Variants in TLK1 observed in about 807,000 individuals in gnomAD.
The protein encoded by TLK1 is tousled like kinase 1, also known as serine/threonine-protein kinase tousled-like 1.
A neutral mutation model predicts 105.3 loss-of-function variants in TLK1; 24 were observed. That is an observed-to-expected ratio of 0.23 (90% confidence interval 0.17 to 0.32). The LOEUF (loss-of-function observed/expected upper bound fraction) is 0.32, where lower values mean the gene tolerates loss of function less well. Among genes scored for constraint, TLK1 ranks in the 10% least tolerant of loss-of-function variants. The pLI, the probability that TLK1 is intolerant of heterozygous loss-of-function variation, is 1.00. For missense variants in TLK1, 558 were observed against 910.5 expected (o/e 0.61, Z 4.98); for synonymous variants, 321 against 310.4 (o/e 1.03, Z -0.36).
At chr2:171,059,009 A>G (rs887264858) in intron 4 of TLK1, among the ~76,000 whole-genome samples, 1 of 152,194 alleles carries the variant, frequency 6.6e-6, no homozygotes, top group Non-Finnish European at 1.5e-5. Flanking sequence ...TGTGCCAGGC[A>G]TTACTAAGAT....
At chr2:171,025,649 G>A (rs1463875618) in intron 12 of TLK1, among the ~76,000 whole-genome samples, 5 of 152,174 alleles carry the variant, frequency 3.3e-5, no homozygotes, top group Admixed American at 1.3e-4. Flanking sequence ...ATAGGGAGCT[G>A]ATAAGACAGA....
At chr2:171,059,335 G>T (rs989252381) in intron 4 of TLK1, among the ~76,000 whole-genome samples, 2 of 152,104 alleles carry the variant, frequency 1.3e-5, no homozygotes, top group Admixed American at 6.5e-5. Context: ...TGGAAATTTT[G>T]TTCTGTTAAC....
intron 20 of TLK1, 32 bp from the exon 21 acceptor site, chr2:170,993,988 A>G (rs758340673): frequency 6.4e-7 from 1 of 1,553,318 alleles, no homozygotes. Context: ...TTAGCAATTA[A>G]TGATCTTTTT....
rs866191117 is a variant in TLK1 at position 171,127,027 on chromosome 2, G to A, written c.140-9170C>T. Among the ~76,000 whole-genome samples, 14 of 151,902 alleles carry A rather than the reference G, an allele frequency of 9.2e-5. 1 individual carries two copies. Among genetic ancestry groups the A allele is most frequent in the South Asian group, 4.2e-4 (2 of 4,814 alleles). ...ACGGTGGCTCACGCCTGTAATCCCA[G>A]CACTTTGGGAGGCTGAGGTGAGTGG... On this transcript the variant is annotated intron_variant, in intron 1 of 20. Coordinates refer to ENST00000431350, the MANE Select transcript of TLK1 (RefSeq NM_012290.5).
intron 11 of TLK1, among the ~76,000 whole-genome samples, chr2:171,036,351 C>T (rs757449300): frequency 1.3e-5 from 2 of 152,078 alleles, no homozygotes; most frequent in Non-Finnish European, 2.9e-5. Context: ...GAGGCTGAGG[C>T]AGGAGAATCA....
chr2:171,196,869 T>C (rs760266302), intron 1 of TLK1, among the ~76,000 whole-genome samples: 6 of 152,242 alleles, frequency 3.9e-5, no homozygotes, highest in Non-Finnish European at 7.3e-5. Context: ...CCTATATGAA[T>C]ATAGCTCTAA....
intron 1 of TLK1, among the ~76,000 whole-genome samples, chr2:171,119,385 G>A (rs956707932): frequency 1.3e-5 from 2 of 152,146 alleles, no homozygotes; most frequent in African/African-American, 4.8e-5. Context: ...TCTCTTAACT[G>A]CAAATATTCC....
intron 18 of TLK1, 57 bp from the exon 19 acceptor site, chr2:170,997,880 C>T: frequency 9.4e-7 from 1 of 1,061,220 alleles, no homozygotes; most frequent in Non-Finnish European, 1.4e-6. Context: ...AACTTAAAAT[C>T]TTCTAAGTGT....
intron 3 of TLK1, among the ~76,000 whole-genome samples, chr2:171,063,313 T>C (rs1358254136): frequency 6.6e-6 from 1 of 152,052 alleles, no homozygotes; most frequent in Admixed American, 6.6e-5. Flanking sequence ...ACCACTGCAC[T>C]CCAGTTTGGG....
intron 20 of TLK1, among the ~76,000 whole-genome samples, chr2:170,995,942 A>C (rs2105348857): frequency 6.6e-6 from 1 of 152,222 alleles, no homozygotes; most frequent in East Asian, 1.9e-4. Flanking sequence ...GGCTCAGGCA[A>C]TCTGCCTGCC....
chr2:171,055,056 GA>G (rs145296406), intron 7 of TLK1, 26 bp downstream of exon 7: 2 of 1,350,234 alleles, frequency 1.5e-6, no homozygotes, highest in South Asian at 1.7e-5. Flanking sequence ...AGAAGCCATA[GA>G]AAAAAACATT....
intron 1 of TLK1, among the ~76,000 whole-genome samples, chr2:171,178,134 T>G (rs73017268): frequency 6.6e-6 from 1 of 152,122 alleles, no homozygotes; most frequent in African/African-American, 2.4e-5. Flanking sequence ...CTAGGTTCTA[T>G]ACAGAGTGTT....
At chr2:171,157,677 T>C (rs1692292150) in intron 1 of TLK1, among the ~76,000 whole-genome samples, 1 of 152,208 alleles carries the variant, frequency 6.6e-6, no homozygotes, top group South Asian at 2.1e-4. Context: ...CAGATCATAA[T>C]CTTAGGTTTG....
intron 1 of TLK1, among the ~76,000 whole-genome samples, chr2:171,191,500 G>A (rs1033054954): frequency 3.3e-5 from 5 of 152,054 alleles, no homozygotes; most frequent in East Asian, 3.9e-4. Context: ...GATTGGTTGC[G>A]CCCAGGAGTC....
At chr2:171,214,870 T>C (rs1289779809) in intron 1 of TLK1, among the ~76,000 whole-genome samples, 1 of 152,180 alleles carries the variant, frequency 6.6e-6, no homozygotes. Flanking sequence ...GATGTTTAAG[T>C]GAGTCAAGAC....
rs1264920037 is a variant in TLK1, at chr2:171,160,480, ACGGCAC to A, written c.-58_-53del. On this transcript the variant is annotated 5_prime_UTR_variant, in exon 1 of 21. Coordinates refer to ENST00000431350, the MANE Select transcript of TLK1 (RefSeq NM_012290.5). The surrounding 1 kb of genome is among the most constrained non-coding windows in gnomAD (Gnocchi z 4.4). Reference sequence around the variant, plus strand: ...CCCCCCTGCGACGGCAGCGGCGGCAACGGCACCGGCACCCGCCTCCGTCATGGCGGG... The same window carrying A: ...CCCCCCTGCGACGGCAGCGGCGGCAACGGCACCCGCCTCCGTCATGGCGGG... The A allele has an allele frequency of 6.4e-7, 1 of 1,570,574 alleles. No homozygotes were observed. Among genetic ancestry groups the A allele is most frequent in the Non-Finnish European group, 8.6e-7 (1 of 1,163,218 alleles).
intron 2 of TLK1, among the ~76,000 whole-genome samples, chr2:171,112,201 T>C (rs1312509525): frequency 1.3e-5 from 2 of 152,320 alleles, no homozygotes; most frequent in Non-Finnish European, 2.9e-5. Flanking sequence ...CCGCCCACTT[T>C]GGCCTCCCAA....
At chr2:171,116,084 A>AGG (rs1690413879) in intron 2 of TLK1, among the ~76,000 whole-genome samples, 2 of 152,220 alleles carry the variant, frequency 1.3e-5, no homozygotes, top group African/African-American at 4.8e-5. Context: ...ATTTCTGTTA[A>AGG]ATACCAAGAG....
At chr2:171,077,017 T>C (rs977069212) in intron 3 of TLK1, among the ~76,000 whole-genome samples, 1 of 152,192 alleles carries the variant, frequency 6.6e-6, no homozygotes, top group Non-Finnish European at 1.5e-5. Context: ...GCAGGTCAGG[T>C]ACATGACCAT....
Sources: gnomAD v4.1 joint callset for allele counts (sites outside exome capture counted in the v4.1 genomes callset) on GRCh38, gnomAD v4.1.1 for gene constraint, Gnocchi (gnomAD v3.1) non-coding constraint, MANE v1.5 for transcripts, NCBI Gene and HGNC (gene_info 2026-07-23, HGNC 2026-07-21) for gene names.